CFAP58: variants seen among roughly 807,000 people sequenced by gnomAD.
CFAP58 encodes cilia and flagella associated protein 58, also known as cilia- and flagella-associated protein 58.
A neutral mutation model predicts 119.5 loss-of-function variants in CFAP58; 88 were observed. The ratio of observed to expected loss-of-function variants is 0.74; its 90% CI spans 0.62 to 0.88. The LOEUF is 0.88. CFAP58 is among the 40% of genes least tolerant of loss of function. The pLI, the probability that CFAP58 is intolerant of heterozygous loss-of-function variation, is 0.00. For missense variants in CFAP58, 990 were observed against 1,021.2 expected, an observed-to-expected ratio of 0.97 and a Z score of 0.42; for synonymous variants, 365 against 366.3, an observed-to-expected ratio of 1.00 and a Z score of 0.04.
chr10:104,445,017 G>A (rs1378752119), intron 15 of CFAP58, among the ~76,000 whole-genome samples: 4 of 152,072 alleles, frequency 2.6e-5, no homozygotes, highest in Non-Finnish European at 4.4e-5. Context: ...TTCAATTAAG[G>A]TTAAAGCCTA....
intron 17 of CFAP58, among the ~76,000 whole-genome samples, chr10:104,453,068 T>C (rs2013220145): frequency 6.6e-6 from 1 of 152,116 alleles, no homozygotes; most frequent in Admixed American, 6.5e-5. Context: ...AAGGAGACAG[T>C]ATTCCCATTA....
upstream of CFAP58, among the ~76,000 whole-genome samples, chr10:104,351,156 G>C (rs2014454848): frequency 6.6e-6 from 1 of 152,142 alleles, no homozygotes; most frequent in African/African-American, 2.4e-5. Context: ...CTATTAGCTT[G>C]GCTTACAGTG....
chr10:104,391,485 T>A lies in CFAP58; in HGVS notation c.1366-748T>A, dbSNP rs565068314. On this transcript the variant is annotated intron_variant, in intron 9 of 17. Coordinates refer to ENST00000369704, the MANE Select transcript of CFAP58 (RefSeq NM_001008723.2). Reference sequence around the variant, plus strand: ...TAATCAGATTTCTTCATGAAAATTTTTCTTCTTAAGGACTTTTTAAAGAAG... The same window carrying A: ...TAATCAGATTTCTTCATGAAAATTTATCTTCTTAAGGACTTTTTAAAGAAG... Among the ~76,000 whole-genome samples the A allele has an allele frequency of 2.0e-5, 3 of 152,342 alleles. No individual in the cohort carries two copies. The East Asian group carries it at 5.8e-4, about 29-fold the overall frequency.
rs1307737725 is a variant in CFAP58, at chr10:104,399,550, A to G, written c.1815+50A>G. 1.9e-6 allele frequency: 3 copies of G among 1,583,108 alleles called. No homozygotes were observed. The South Asian group carries it at 3.4e-5, about 18-fold the overall frequency. ...GCAGACCTTGTCAACAGACACGGGT[A>G]TTTAATTCCACCCTTCGAAACTTCC... On this transcript the variant is annotated intron_variant, in intron 12 of 17. Coordinates refer to ENST00000369704, the MANE Select transcript of CFAP58 (RefSeq NM_001008723.2).
chr10:104,357,953 ATACACATATATG>A (rs1221248725), intron 1 of CFAP58, among the ~76,000 whole-genome samples: 10 of 113,008 alleles, frequency 8.8e-5, no homozygotes, highest in Non-Finnish European at 1.6e-4. Flanking sequence ...GTACACATAT[ATACACATATATG>A]TACACATATG....
At chr10:104,411,395 A>C (rs772873742) in intron 15 of CFAP58, among the ~76,000 whole-genome samples, 11 of 152,062 alleles carry the variant, frequency 7.2e-5, no homozygotes, top group Non-Finnish European at 1.3e-4. Context: ...TCCCCAATTA[A>C]TTCAAAAATT....
At chr10:104,342,640 G>T in the CFAP58 span, among the ~76,000 whole-genome samples, 1 of 144,050 alleles carries the variant, frequency 6.9e-6, no homozygotes, top group Non-Finnish European at 1.5e-5. Context: ...GACCAACCTG[G>T]CCAATATGGC....
chr10:104,338,535 CCTT>C, the CFAP58 span: 6 of 152,366 alleles, frequency 3.9e-5, no homozygotes, highest in African/African-American at 1.4e-4. Context: ...CCCGGAAGCT[CCTT>C]AAGGAGGACC....
At chr10:104,411,624 G>A (rs7895680) in intron 15 of CFAP58, among the ~76,000 whole-genome samples, 80,026 of 151,882 alleles carry the variant, frequency 0.53, 21,948 homozygotes, top group African/African-American at 0.69. Flanking sequence ...GCCTTAGAAG[G>A]TATCATTTGC....
intron 9 of CFAP58, among the ~76,000 whole-genome samples, chr10:104,383,471 T>G (rs1207479373): frequency 6.6e-6 from 1 of 152,188 alleles, no homozygotes; most frequent in East Asian, 1.9e-4. Context: ...AATATACAAT[T>G]GTATATATTT....
Position 104,451,126 on chromosome 10 carries a change from C to G in CFAP58, c.2510+922C>G, listed in dbSNP as rs1415591927. ...ACTTGGTTTGGCTGCGTGACATTGC[C>G]AAAATCATCCAGTTAATCTTGTAGT... is the stretch of plus-strand genomic sequence containing the variant. On this transcript the variant is annotated intron_variant, in intron 17 of 17. Transcript: ENST00000369704. Among the ~76,000 whole-genome samples the G allele has an allele frequency of 3.3e-5, 5 of 152,232 alleles. No individual in the cohort carries two copies. In the East Asian group the frequency reaches 5.8e-4, roughly 18 times the overall value.
intron 1 of CFAP58, among the ~76,000 whole-genome samples, chr10:104,357,112 T>G (rs2014552885): frequency 6.6e-6 from 1 of 152,216 alleles, no homozygotes; most frequent in Non-Finnish European, 1.5e-5. Flanking sequence ...GGGTTAGGAC[T>G]TCAAAATACC....
At chr10:104,451,854 A>G (rs1019435037) in intron 17 of CFAP58, among the ~76,000 whole-genome samples, 1 of 152,018 alleles carries the variant, frequency 6.6e-6, no homozygotes, top group African/African-American at 2.4e-5. Context: ...TCAGCCTCCC[A>G]AATAGCTGGG....
upstream of CFAP58, among the ~76,000 whole-genome samples, chr10:104,351,063 G>T (rs148456726): frequency 6.6e-6 from 1 of 152,170 alleles, no homozygotes; most frequent in Non-Finnish European, 1.5e-5. Flanking sequence ...CCTACAAACC[G>T]ATGGTCCCAA....
chr10:104,361,939 T>G, intron 2 of CFAP58, 84 bp from the exon 3 acceptor site: 2 of 1,306,768 alleles, frequency 1.5e-6, no homozygotes, highest in Non-Finnish European at 2.1e-6. Flanking sequence ...TACACTGTGG[T>G]CATGGTATTA....
At chr10:104,364,044 C>T (rs931823637) in intron 3 of CFAP58, among the ~76,000 whole-genome samples, 10 of 152,266 alleles carry the variant, frequency 6.6e-5, no homozygotes, top group Admixed American at 3.9e-4. Context: ...CACATAACCT[C>T]CAAAAATGGG....
At chr10:104,388,831 G>T (rs1589918404) in intron 9 of CFAP58, among the ~76,000 whole-genome samples, 1 of 152,168 alleles carries the variant, frequency 6.6e-6, no homozygotes, top group Non-Finnish European at 1.5e-5. Context: ...CAACAGAAAA[G>T]GTAGGAGTAG....
At position 104,393,415 on chromosome 10, in the gene CFAP58, C is replaced by T. The variant is rs774838433; in HGVS notation, c.1614C>T (p.Ser538=). The T allele has an allele frequency of 2.0e-5, 32 of 1,613,782 alleles. No individual in the cohort carries two copies. The highest frequency in any genetic ancestry group is 6.7e-5 in the East Asian group (3 of 44,890). ...AAGAAGACATCTCTGCCAAAGAGTC[C>T]GCACTTGTGAAGCTGCACCTGGAAC... ...ELKEDISAKE[S]ALVKLHLEQQ... Residue 538 remains serine (S), a synonymous_variant, in exon 11 of 18, where the codon TCC becomes TCT. Coordinates refer to ENST00000369704, the MANE Select transcript of CFAP58 (RefSeq NM_001008723.2).
At chr10:104,393,606 C>T in intron 11 of CFAP58, 131 bp downstream of exon 11, 3 of 794,148 alleles carry the variant, frequency 3.8e-6, no homozygotes, top group Non-Finnish European at 5.9e-6. Flanking sequence ...TGCTAGTTAC[C>T]CAAACCAAGC....
Sources: gnomAD v4.1 joint callset for allele counts (sites outside exome capture counted in the v4.1 genomes callset) on GRCh38, gnomAD v4.1.1 for gene constraint, MANE v1.5 for transcripts, NCBI Gene and HGNC (gene_info 2026-07-23, HGNC 2026-07-21) for gene names.